Variants in KIAA1958 observed in about 807,000 individuals in gnomAD.
KIAA1958 encodes the protein uncharacterized protein KIAA1958.
A neutral mutation model predicts 47.2 loss-of-function variants in KIAA1958; 14 were observed. The ratio of observed to expected loss-of-function variants is 0.30; its 90% CI spans 0.20 to 0.46. The LOEUF is 0.46. Among genes scored for constraint, KIAA1958 ranks in the 20% least tolerant of loss-of-function variants. KIAA1958 has a pLI of 1.00. For missense variants in KIAA1958, 803 were observed against 909.2 expected, an observed-to-expected ratio of 0.88 and a Z score of 1.50; for synonymous variants, 354 against 353.3, an observed-to-expected ratio of 1.00 and a Z score of -0.02.
At chr9:112,643,879 C>T (rs193133116) in intron 2 of KIAA1958, among the ~76,000 whole-genome samples, 304 of 152,092 alleles carry the variant, frequency 2.0e-3, no homozygotes, top group South Asian at 3.9e-3. Flanking sequence ...TTTTGATTGG[C>T]GCAAAGACCA....
chr9:112,565,807 T>C (rs978138246), intron 1 of KIAA1958, among the ~76,000 whole-genome samples: 2 of 152,248 alleles, frequency 1.3e-5, no homozygotes, highest in African/African-American at 4.8e-5. Flanking sequence ...AATATTTTCA[T>C]TTTATGGTAC....
chr9:112,653,639 A>G (rs1421528908), intron 3 of KIAA1958, among the ~76,000 whole-genome samples: 2 of 152,168 alleles, frequency 1.3e-5, no homozygotes, highest in African/African-American at 4.8e-5. Flanking sequence ...GTGCGGTCAC[A>G]CCTGTAATTC....
intron 2 of KIAA1958, among the ~76,000 whole-genome samples, 166 bp from the exon 3 acceptor site, chr9:112,645,484 A>G (rs538034125): frequency 2.1e-4 from 32 of 152,358 alleles, no homozygotes; most frequent in Non-Finnish European, 3.7e-4. Context: ...TTCCCTACTT[A>G]TTCTAATATA....
At position 112,659,418 on chromosome 9, in the gene KIAA1958, CA is replaced by C; in HGVS notation, c.1501del (p.Ser501AlafsTer17). ...NAGVGFSITS[S>X]TFSSSTKKLK... ...CAGGTGTCGGCTTTTCCATCACCAG[CA>C]GCACCTTCAGCTCCTCCACCAAGAA... On this transcript the variant is annotated frameshift_variant, in exon 4 of 4. Transcript: ENST00000337530. LOFTEE classifies it high-confidence loss of function. 1 of 1,614,166 alleles carries C rather than the reference CA, an allele frequency of 6.2e-7. No homozygotes were observed. The highest frequency in any genetic ancestry group is 2.2e-5 in the East Asian group (1 of 44,880).
In KIAA1958 at chr9:112,616,847, G is replaced by A. The variant is rs535445074; in HGVS notation, c.1172-28803G>A. ...TTATTTTAAAATTGGTGAAAATAGA[G>A]TAAGATTTCCTGCCTAGGACACAAG... On this transcript the variant is annotated intron_variant, in intron 2 of 3. Transcript: ENST00000337530. 1.7e-4 allele frequency among the ~76,000 whole-genome samples: 26 copies of A among 152,338 alleles called. No homozygotes were observed. In the South Asian group the frequency reaches 2.5e-3, roughly 15 times the overall value.
At chr9:112,652,758 A>G (rs1225086009) in intron 3 of KIAA1958, among the ~76,000 whole-genome samples, 1 of 152,102 alleles carries the variant, frequency 6.6e-6, no homozygotes, top group Non-Finnish European at 1.5e-5. Flanking sequence ...AGTAGCTGGG[A>G]CTACAGATGT....
At chr9:112,607,473 T>C (rs1836254679) in intron 2 of KIAA1958, among the ~76,000 whole-genome samples, 1 of 151,942 alleles carries the variant, frequency 6.6e-6, no homozygotes, top group Non-Finnish European at 1.5e-5. Flanking sequence ...AATGGGGAAC[T>C]TAGGTTGGTG....
chr9:112,619,718 C>T (rs1836467623), intron 2 of KIAA1958, among the ~76,000 whole-genome samples: 1 of 151,904 alleles, frequency 6.6e-6, no homozygotes, highest in Non-Finnish European at 1.5e-5. Flanking sequence ...TTTTTTGTCC[C>T]TAAGAAATGG....
chr9:112,578,072 T>A (rs531352335), intron 2 of KIAA1958, among the ~76,000 whole-genome samples: 165 of 152,306 alleles, frequency 1.1e-3, no homozygotes, highest in Non-Finnish European at 5.3e-4. Context: ...ATTGCTAAGA[T>A]GTCATTAGCT....
intron 3 of KIAA1958, among the ~76,000 whole-genome samples, chr9:112,655,126 C>G (rs1837128085): frequency 6.6e-6 from 1 of 152,134 alleles, no homozygotes; most frequent in East Asian, 1.9e-4. Flanking sequence ...GTAAGAGGAT[C>G]TTTTTCTTCC....
intron 3 of KIAA1958, among the ~76,000 whole-genome samples, chr9:112,657,014 T>C (rs1473314605): frequency 6.6e-6 from 1 of 152,212 alleles, no homozygotes; most frequent in Non-Finnish European, 1.5e-5. Flanking sequence ...TTGTCAACTT[T>C]ATAGGTCTTT....
intron 2 of KIAA1958, among the ~76,000 whole-genome samples, chr9:112,589,557 G>A (rs1835884244): frequency 6.6e-6 from 1 of 152,188 alleles, no homozygotes; most frequent in African/African-American, 2.4e-5. Flanking sequence ...GCTCCAGCCT[G>A]AGCAACAAGA....
At chr9:112,578,939 G>A (rs1366806019) in intron 2 of KIAA1958, among the ~76,000 whole-genome samples, 1 of 151,782 alleles carries the variant, frequency 6.6e-6, no homozygotes, top group African/African-American at 2.4e-5. Context: ...TTTTGTGTAA[G>A]GATCCCTTTT....
rs142960638 is a variant in KIAA1958 at position 112,537,152 on chromosome 9, C to T, written c.-24-36905C>T. Among the ~76,000 whole-genome samples the T allele has an allele frequency of 1.6e-3, 241 of 151,718 alleles. 1 individual carries two copies. Among genetic ancestry groups the T allele is most frequent in the African/African-American group, 5.4e-3 (223 of 41,318 alleles). On this transcript the variant is annotated intron_variant, in intron 1 of 3. Transcript: ENST00000337530. ...ACAGAGTCTCCCTTTGTCGCCCAGG[C>T]TGGAGTGCAGTGGTGCAATCTTGGC... is the stretch of plus-strand genomic sequence containing the variant.
At chr9:112,619,155 A>G (rs1416217310) in intron 2 of KIAA1958, 2 of 231,580 alleles carry the variant, frequency 8.6e-6, no homozygotes, top group Non-Finnish European at 1.4e-5. Context: ...TTACTGTTAC[A>G]GACTTTACAA....
At chr9:112,548,840 T>A (rs1025857508) in intron 1 of KIAA1958, among the ~76,000 whole-genome samples, 1 of 152,246 alleles carries the variant, frequency 6.6e-6, no homozygotes, top group Non-Finnish European at 1.5e-5. Flanking sequence ...GTCTTTAGGC[T>A]GGCCTCTGAT....
chr9:112,557,795 TA>T (rs1564171591), intron 1 of KIAA1958, among the ~76,000 whole-genome samples: 1 of 152,198 alleles, frequency 6.6e-6, no homozygotes, highest in Non-Finnish European at 1.5e-5. Context: ...CTTGACCAAA[TA>T]CTTGATAAAA....
intron 2 of KIAA1958, among the ~76,000 whole-genome samples, chr9:112,600,050 A>C (rs1211918469): frequency 1.3e-5 from 2 of 152,224 alleles, no homozygotes; most frequent in African/African-American, 4.8e-5. Flanking sequence ...AGTTGATTTA[A>C]GAATATATTT....
intron 1 of KIAA1958, among the ~76,000 whole-genome samples, chr9:112,540,245 G>T (rs2132822117): frequency 6.6e-6 from 1 of 152,150 alleles, no homozygotes; most frequent in South Asian, 2.1e-4. Flanking sequence ...AGGGGAAGGA[G>T]GTAGCAATGA....
Sources: gnomAD v4.1 joint callset for allele counts (sites outside exome capture counted in the v4.1 genomes callset) on GRCh38, gnomAD v4.1.1 for gene constraint, MANE v1.5 for transcripts, NCBI Gene and HGNC (gene_info 2026-07-23, HGNC 2026-07-21) for gene names.